Variants in TEX11 observed in about 807,000 individuals in gnomAD.
The protein encoded by TEX11 is testis expressed 11, also known as testis-expressed protein 11.
In TEX11, 7 loss-of-function variants were observed where a neutral mutation model predicts 84.4. The observed-to-expected ratio is 0.08, with a 90% CI of 0.05 to 0.16. TEX11 has a LOEUF of 0.16. Among genes scored for constraint, TEX11 ranks in the 10% least tolerant of loss-of-function variants. TEX11 has a pLI of 1.00. For missense variants in TEX11, 551 were observed against 660.5 expected, an observed-to-expected ratio of 0.83 and a Z score of 1.82; for synonymous variants, 264 against 222.8, an observed-to-expected ratio of 1.18 and a Z score of -1.64.
chrX:70,556,463 T>C (rs998398017), intron 25 of TEX11, among the ~76,000 whole-genome samples: 2 of 112,162 alleles, frequency 1.8e-5, no homozygotes, highest in African/African-American at 3.2e-5. Flanking sequence ...AATTCTCTTG[T>C]GGTCAGAGAA....
intron 25 of TEX11, among the ~76,000 whole-genome samples, chrX:70,578,924 C>A (rs185087593): frequency 1.2e-3 from 127 of 107,523 alleles, no homozygotes; most frequent in African/African-American, 4.1e-3. Flanking sequence ...GCGCCCACCA[C>A]CACACCCAGC....
chrX:70,528,517 A>C (rs1603025005), downstream of TEX11, among the ~76,000 whole-genome samples: 1 of 101,305 alleles, frequency 9.9e-6, no homozygotes, highest in Non-Finnish European at 2.0e-5. Context: ...GTAGAGATGG[A>C]GTTTTGCCAT....
intron 23 of TEX11, 119 bp downstream of exon 23, chrX:70,606,840 A>C: frequency 2.6e-6 from 1 of 386,503 alleles, no homozygotes; most frequent in Non-Finnish European, 4.4e-6. Context: ...GCTTACATAT[A>C]TATTAAAAGT....
chrX:70,714,689 T>C (rs1001780741), intron 13 of TEX11, among the ~76,000 whole-genome samples: 2 of 111,727 alleles, frequency 1.8e-5, no homozygotes, highest in Non-Finnish European at 3.8e-5. Flanking sequence ...TGTGTGTCTC[T>C]GCACGTGAGA....
chrX:70,613,999 G>C (rs924581294), intron 20 of TEX11, among the ~76,000 whole-genome samples: 1 of 111,156 alleles, frequency 9.0e-6, no homozygotes, highest in Non-Finnish European at 1.9e-5. Context: ...TCCATCACCT[G>C]TTGACTGAAG....
chrX:70,585,773 C>A (rs1219366256), intron 25 of TEX11, among the ~76,000 whole-genome samples: 2 of 112,490 alleles, frequency 1.8e-5, no homozygotes, highest in African/African-American at 6.5e-5. Flanking sequence ...TCTCTTCAGG[C>A]CGGGTGTGGT....
intron 25 of TEX11, among the ~76,000 whole-genome samples, chrX:70,569,975 G>A (rs1412150429): frequency 3.6e-5 from 4 of 111,986 alleles, no homozygotes; most frequent in Non-Finnish European, 5.6e-5. Flanking sequence ...AGAGGTTATT[G>A]CTGTCTTTGT....
At chrX:70,743,161 C>T (rs192481200) in intron 10 of TEX11, among the ~76,000 whole-genome samples, 1,160 of 112,144 alleles carry the variant, frequency 0.01, 7 homozygotes, top group African/African-American at 0.036. Flanking sequence ...TTGTGACTGG[C>T]TTGTTTCACT....
intron 8 of TEX11, among the ~76,000 whole-genome samples, chrX:70,826,366 T>C (rs1234592499): frequency 2.7e-5 from 3 of 109,558 alleles, no homozygotes; most frequent in Non-Finnish European, 5.7e-5. Flanking sequence ...AATAAAAGCC[T>C]GCATTGTTTG....
intron 13 of TEX11, among the ~76,000 whole-genome samples, chrX:70,696,547 C>T (rs1603225685): frequency 9.0e-6 from 1 of 111,332 alleles, no homozygotes; most frequent in African/African-American, 3.3e-5. Flanking sequence ...ACAGGAGGAT[C>T]GCTTGAGCCC....
At chrX:70,525,423 A>G (rs1603022363), downstream of TEX11, among the ~76,000 whole-genome samples, 1 of 109,979 alleles carries the variant, frequency 9.1e-6, no homozygotes, top group East Asian at 2.8e-4. Flanking sequence ...CCATCTCTAC[A>G]AAAAAATAGA....
rs767444443 is a variant in TEX11 at position 70,732,124 on chromosome X, G to C, written c.844-6781C>G. 7.4e-3 allele frequency among the ~76,000 whole-genome samples: 828 copies of C among 111,345 alleles called. 3 individuals carry two copies. Among genetic ancestry groups the C allele is most frequent in the African/African-American group, 0.025 (761 of 30,635 alleles). On this transcript the variant is annotated intron_variant, in intron 11 of 29. Coordinates refer to ENST00000374333, the MANE Select transcript of TEX11 (RefSeq NM_031276.3). The stretch of plus-strand genomic sequence containing the variant: ...AACAACCCTTCATGCTAAAAACTCT[G>C]AATAAATTAGGTATTGATGGGATGT...
At chrX:70,816,607 G>A (rs1276458080) in intron 8 of TEX11, among the ~76,000 whole-genome samples, 4 of 110,123 alleles carry the variant, frequency 3.6e-5, no homozygotes, top group Non-Finnish European at 7.6e-5. Flanking sequence ...AGCTACTCAG[G>A]AGGCTGAGGC....
intron 2 of TEX11, among the ~76,000 whole-genome samples, chrX:70,905,174 T>G (rs1198466774): frequency 9.0e-6 from 1 of 111,606 alleles, no homozygotes; most frequent in African/African-American, 3.3e-5. Context: ...CTACAAAAAA[T>G]TAGCCAGGCG....
chrX:70,795,643 A>G (rs572485258), intron 9 of TEX11, among the ~76,000 whole-genome samples: 1 of 111,194 alleles, frequency 9.0e-6, no homozygotes. Context: ...ACAGAAAAAC[A>G]GACTCCATTT....
At chrX:70,862,839 T>C (rs1232227416) in intron 4 of TEX11, among the ~76,000 whole-genome samples, 2 of 104,476 alleles carry the variant, frequency 1.9e-5, no homozygotes, top group Non-Finnish European at 3.9e-5. Flanking sequence ...CTCTTCAACC[T>C]GGGAGGCGGA....
intron 28 of TEX11, among the ~76,000 whole-genome samples, chrX:70,549,660 G>A (rs779882111): frequency 8.9e-6 from 1 of 112,030 alleles, no homozygotes; most frequent in East Asian, 2.8e-4. Context: ...GATGGTGGTG[G>A]CCACGGGGAG....
In TEX11 at chrX:70,717,481, G is replaced by A. The variant is rs112700043; in HGVS notation, c.1004+5137C>T. ...TTAGAGGCATGTGCCACCACAGCCC[G>A]CTCATTTTTGTGTTTTCAGTAGAGA... On this transcript the variant is annotated intron_variant, in intron 13 of 29. Coordinates refer to ENST00000374333, the MANE Select transcript of TEX11 (RefSeq NM_031276.3). Among the ~76,000 whole-genome samples the A allele has an allele frequency of 7.3e-3, 808 of 110,849 alleles. 4 individuals are homozygous for A. Among genetic ancestry groups the A allele is most frequent in the African/African-American group, 0.019 (571 of 30,605 alleles).
intron 7 of TEX11, among the ~76,000 whole-genome samples, chrX:70,847,460 C>T (rs1009367347): frequency 9.0e-6 from 1 of 111,631 alleles, no homozygotes; most frequent in Non-Finnish European, 1.9e-5. Context: ...TCTCCAAACT[C>T]TCTTCTCGTG....
Sources: gnomAD v4.1 joint callset for allele counts (sites outside exome capture counted in the v4.1 genomes callset) on GRCh38, gnomAD v4.1.1 for gene constraint, MANE v1.5 for transcripts, NCBI Gene and HGNC (gene_info 2026-07-23, HGNC 2026-07-21) for gene names.